LRRTM4: variants seen among roughly 807,000 people sequenced by gnomAD.
LRRTM4 encodes the protein leucine-rich repeat transmembrane neuronal protein 4.
A neutral mutation model predicts 47.6 loss-of-function variants in LRRTM4; 25 were observed. The observed-to-expected ratio is 0.53, with a 90% CI of 0.38 to 0.73. LRRTM4 has a LOEUF of 0.73. LRRTM4 is among the 30% of genes least tolerant of loss of function. The pLI is 0.00. For synonymous variants in LRRTM4, 311 were observed against 269.5 expected, an observed-to-expected ratio of 1.15 and a Z score of -1.51; for missense variants, 638 against 713.4, an observed-to-expected ratio of 0.89 and a Z score of 1.20.
chr2:77,503,232 T>C (rs1165571198), intron 3 of LRRTM4, among the ~76,000 whole-genome samples: 2 of 151,422 alleles, frequency 1.3e-5, no homozygotes, highest in Non-Finnish European at 3.0e-5. Flanking sequence ...AGGACAAAAA[T>C]TGTCACTAGT....
chr2:77,352,785 A>G (rs1671833206), intron 3 of LRRTM4, among the ~76,000 whole-genome samples: 1 of 152,106 alleles, frequency 6.6e-6, no homozygotes, highest in Non-Finnish European at 1.5e-5. Context: ...ACAAGCTATT[A>G]TAAATGCCTT....
chr2:76,984,154 C>G (rs1263306834), intron 3 of LRRTM4, among the ~76,000 whole-genome samples: 1 of 151,602 alleles, frequency 6.6e-6, no homozygotes, highest in Non-Finnish European at 1.5e-5. Context: ...ACACACAAAA[C>G]AGAAGAAAAT....
chr2:76,839,534 A>G (rs1671612100), intron 3 of LRRTM4, among the ~76,000 whole-genome samples: 1 of 152,116 alleles, frequency 6.6e-6, no homozygotes, highest in Non-Finnish European at 1.5e-5. Context: ...ATTAAGCCTC[A>G]GTTGCATATC....
At chr2:76,830,375 A>G (rs1671312057) in intron 3 of LRRTM4, among the ~76,000 whole-genome samples, 1 of 152,032 alleles carries the variant, frequency 6.6e-6, no homozygotes, top group Non-Finnish European at 1.5e-5. Flanking sequence ...CCAATGAAAC[A>G]CTTTTAAACC....
intron 3 of LRRTM4, among the ~76,000 whole-genome samples, chr2:77,191,004 C>T (rs13396517): frequency 0.13 from 19,751 of 152,012 alleles, 3,588 homozygotes; most frequent in African/African-American, 0.41. Flanking sequence ...GTGAAATTAA[C>T]TGCAATTAAT....
chr2:77,280,786 C>A (rs1375663070), intron 3 of LRRTM4, among the ~76,000 whole-genome samples: 1 of 151,898 alleles, frequency 6.6e-6, no homozygotes, highest in Non-Finnish European at 1.5e-5. Context: ...ATGAATAATT[C>A]TAAATAAATA....
chr2:77,519,989 AT>A lies in LRRTM4; in HGVS notation c.5-126del. 1 of 1,398,842 alleles carries A rather than the reference AT, an allele frequency of 7.1e-7. No homozygotes were observed. Among genetic ancestry groups the A allele is most frequent in the Non-Finnish European group, 9.4e-7 (1 of 1,065,382 alleles). The allele number at this position is 1,398,842 out of a possible 1,614,324, so 86.7% of individuals were successfully genotyped here. A position where few individuals can be genotyped will look rare whatever the true frequency, so the allele number is the denominator to read the frequency against. ...GGGACAGTTGATTTAAGGAAAATGC[AT>A]TAACATTTCGAGCATTATTTTCTTC... On this transcript the variant is annotated intron_variant, in intron 2 of 3. Transcript: ENST00000409884. The surrounding 1 kb of genome is among the most constrained non-coding windows in gnomAD (Gnocchi z 4.6).
rs575433148 is a variant in LRRTM4, at chr2:77,152,597, G to C, written c.1551+365721C>G. On this transcript the variant is annotated intron_variant, in intron 3 of 3. Transcript: ENST00000409884. Reference sequence around the variant, plus strand: ...CCTGCCTCGGCCTCCCAAAGTGCTGGGATTACAGGTGTGAGCTACCACGCC... The same window carrying C: ...CCTGCCTCGGCCTCCCAAAGTGCTGCGATTACAGGTGTGAGCTACCACGCC... 6.3e-4 allele frequency among the ~76,000 whole-genome samples: 96 copies of C among 152,056 alleles called. 1 individual carries two copies. The South Asian group carries it at 0.018, about 29-fold the overall frequency.
chr2:77,387,223 T>C (rs1673313673), intron 3 of LRRTM4, among the ~76,000 whole-genome samples: 1 of 152,164 alleles, frequency 6.6e-6, no homozygotes, highest in Non-Finnish European at 1.5e-5. Flanking sequence ...TGATAATATT[T>C]GGTTAATTAT....
intron 3 of LRRTM4, among the ~76,000 whole-genome samples, chr2:76,789,387 A>G (rs1191971188): frequency 6.6e-6 from 1 of 152,172 alleles, no homozygotes; most frequent in Non-Finnish European, 1.5e-5. Flanking sequence ...CCTCTGCTCT[A>G]GTGACCTCTC....
intron 3 of LRRTM4, among the ~76,000 whole-genome samples, chr2:77,445,300 T>C (rs749490935): frequency 1.7e-4 from 26 of 151,868 alleles, no homozygotes; most frequent in Non-Finnish European, 2.9e-4. Context: ...AATCAACACA[T>C]GTGGCATATT....
chr2:76,988,394 T>C (rs1368708078), intron 3 of LRRTM4, among the ~76,000 whole-genome samples: 1 of 151,862 alleles, frequency 6.6e-6, no homozygotes, highest in Non-Finnish European at 1.5e-5. Flanking sequence ...TGGCTGATGA[T>C]GATAATATCC....
chr2:77,107,214 T>C (rs2103924551), intron 3 of LRRTM4, among the ~76,000 whole-genome samples: 1 of 152,016 alleles, frequency 6.6e-6, no homozygotes, highest in Non-Finnish European at 1.5e-5. Flanking sequence ...ATGTAGATAT[T>C]AACACATAAT....
At chr2:77,197,537 T>C (rs552014001) in intron 3 of LRRTM4, among the ~76,000 whole-genome samples, 55 of 152,296 alleles carry the variant, frequency 3.6e-4, no homozygotes, top group Non-Finnish European at 5.9e-4. Context: ...CAAGTTAATA[T>C]AACTAACATA....
At chr2:76,878,831 G>A (rs114142571) in intron 3 of LRRTM4, among the ~76,000 whole-genome samples, 2,281 of 152,042 alleles carry the variant, frequency 0.015, 54 homozygotes, top group East Asian at 0.077. Context: ...CCAAGATGGC[G>A]CCACTGCACT....
intron 3 of LRRTM4, among the ~76,000 whole-genome samples, chr2:76,784,245 A>C (rs879880369): frequency 1.1e-4 from 16 of 152,038 alleles, no homozygotes; most frequent in Non-Finnish European, 2.2e-4. Context: ...CATTATTCAG[A>C]TAAATAAATC....
chr2:77,289,082 A>C (rs932618873), intron 3 of LRRTM4, among the ~76,000 whole-genome samples: 1 of 152,084 alleles, frequency 6.6e-6, no homozygotes. Flanking sequence ...AAATGTCTAT[A>C]TGTATAGCTG....
intron 3 of LRRTM4, among the ~76,000 whole-genome samples, chr2:77,476,815 AAGTAAATGGTGGT>A (rs1677410995): frequency 6.6e-6 from 1 of 152,160 alleles, no homozygotes; most frequent in Non-Finnish European, 1.5e-5. Flanking sequence ...GGAAAAAAAT[AAGTAAATGGTGGT>A]ATTTTTTTAA....
At chr2:77,405,413 C>A (rs73942706) in intron 3 of LRRTM4, among the ~76,000 whole-genome samples, 4,402 of 152,158 alleles carry the variant, frequency 0.029, 209 homozygotes, top group African/African-American at 0.099. Context: ...AACCTGATTT[C>A]TGTTTTATGG....
Sources: gnomAD v4.1 joint callset for allele counts (sites outside exome capture counted in the v4.1 genomes callset) on GRCh38, gnomAD v4.1.1 for gene constraint, Gnocchi (gnomAD v3.1) non-coding constraint, MANE v1.5 for transcripts, NCBI Gene and HGNC (gene_info 2026-07-23, HGNC 2026-07-21) for gene names.